The following DPP10 variants were observed in gnomAD, a reference collection of about 807,000 sequenced individuals.
DPP10 encodes inactive dipeptidyl peptidase 10.
A neutral mutation model predicts 120.9 loss-of-function variants in DPP10; 33 were observed. That is an observed-to-expected ratio of 0.27 (90% CI 0.21 to 0.37). DPP10 has a LOEUF of 0.37. DPP10 is among the 10% of genes least tolerant of loss of function. The pLI is 1.00. For missense variants in DPP10, 816 were observed against 942.8 expected (o/e 0.87, Z 1.76); for synonymous variants, 337 against 326.1 (o/e 1.03, Z -0.36).
intron 2 of DPP10, among the ~76,000 whole-genome samples, chr2:115,320,561 A>T (rs187555107): frequency 6.6e-6 from 1 of 152,002 alleles, no homozygotes; most frequent in Non-Finnish European, 1.5e-5. Context: ...ATTTAGTTTG[A>T]ACTAATTTTA....
intron 8 of DPP10, among the ~76,000 whole-genome samples, chr2:115,737,737 T>C (rs1676743476): frequency 6.6e-6 from 1 of 152,166 alleles, no homozygotes; most frequent in Non-Finnish European, 1.5e-5. Context: ...GCGGCTTGTG[T>C]TGTTTTCAAA....
At chr2:114,804,296 A>G (rs1684531155) in intron 1 of DPP10, among the ~76,000 whole-genome samples, 1 of 152,106 alleles carries the variant, frequency 6.6e-6, no homozygotes, top group Non-Finnish European at 1.5e-5. Context: ...CTTAAGGAGA[A>G]CCTCTGCTAG....
rs374769534 is a variant in DPP10 at position 115,237,927 on chromosome 2, C to T, written c.61-71312C>T. Among the ~76,000 whole-genome samples the T allele has an allele frequency of 2.3e-4, 35 of 152,312 alleles. No individual in the cohort carries two copies. In the East Asian group the frequency reaches 6.6e-3, roughly 29 times the overall value. On this transcript the variant is annotated intron_variant, in intron 1 of 25. Coordinates refer to ENST00000410059, the MANE Select transcript of DPP10 (RefSeq NM_020868.6). ...TGTCTCCATAACATCAAAGTGCAAG[C>T]TGAAGCAGCAAGTGCTGTTATAGAA...
At chr2:114,897,855 C>T (rs1371572433) in intron 1 of DPP10, among the ~76,000 whole-genome samples, 4 of 151,820 alleles carry the variant, frequency 2.6e-5, no homozygotes, top group African/African-American at 7.3e-5. Flanking sequence ...ACAACAGGTG[C>T]TGGAGAGGAT....
chr2:115,011,291 C>G (rs1003949959), intron 1 of DPP10, among the ~76,000 whole-genome samples: 2 of 152,148 alleles, frequency 1.3e-5, no homozygotes, highest in African/African-American at 4.8e-5. Flanking sequence ...TCAATTAGGA[C>G]AAGTGGATTA....
chr2:114,575,726 G>C (rs1689998629), intron 1 of DPP10, among the ~76,000 whole-genome samples: 5 of 151,982 alleles, frequency 3.3e-5, no homozygotes. Context: ...CACAAATTTG[G>C]GGTGGTAGTC....
At chr2:114,624,855 A>T (rs999545860) in intron 1 of DPP10, among the ~76,000 whole-genome samples, 1 of 151,946 alleles carries the variant, frequency 6.6e-6, no homozygotes, top group Non-Finnish European at 1.5e-5. Context: ...TTCAACAGCC[A>T]TCAACTCACA....
At chr2:115,819,026 C>T (rs1038541942) in intron 21 of DPP10, among the ~76,000 whole-genome samples, 3 of 152,254 alleles carry the variant, frequency 2.0e-5, no homozygotes, top group East Asian at 1.9e-4. Flanking sequence ...GTAGACCTTG[C>T]GATTCTTTTT....
intron 1 of DPP10, among the ~76,000 whole-genome samples, chr2:114,942,308 TATATATATATATAC>T (rs1426282953): frequency 3.2e-5 from 4 of 124,030 alleles, no homozygotes; most frequent in East Asian, 5.1e-4. Flanking sequence ...CATATATATA[TATATATATATATAC>T]ACACACATAT....
At chr2:115,431,063 A>T (rs758664811) in intron 3 of DPP10, among the ~76,000 whole-genome samples, 1 of 152,236 alleles carries the variant, frequency 6.6e-6, no homozygotes. Context: ...TAAAAATCAG[A>T]TGATATCAAC....
chr2:115,577,730 A>G (rs1335694742), intron 5 of DPP10, among the ~76,000 whole-genome samples: 1 of 152,090 alleles, frequency 6.6e-6, no homozygotes, highest in Non-Finnish European at 1.5e-5. Context: ...TCGGGCTTGT[A>G]GATGGCCATT....
chr2:115,404,128 G>T (rs1051813568), intron 3 of DPP10, among the ~76,000 whole-genome samples: 1 of 152,050 alleles, frequency 6.6e-6, no homozygotes, highest in Non-Finnish European at 1.5e-5. Context: ...ATGGGTTCAC[G>T]CTTCTACAGG....
At chr2:114,942,843 A>G (rs908835728) in intron 1 of DPP10, among the ~76,000 whole-genome samples, 7 of 152,206 alleles carry the variant, frequency 4.6e-5, no homozygotes, top group South Asian at 2.1e-4. Context: ...AATTAGGAAG[A>G]TAACTGAATT....
chr2:115,234,691 C>T (rs927534127), intron 1 of DPP10: 1 of 152,120 alleles, frequency 6.6e-6, no homozygotes, highest in Non-Finnish European at 1.5e-5. Flanking sequence ...TATTGTTTTT[C>T]CTGAACATAC....
intron 3 of DPP10, among the ~76,000 whole-genome samples, chr2:115,390,440 A>G (rs2067242999): frequency 6.6e-6 from 1 of 152,192 alleles, no homozygotes; most frequent in South Asian, 2.1e-4. Context: ...TCATGAGTCA[A>G]CAGGCTTTCT....
intron 1 of DPP10, chr2:115,161,470 C>G (rs951285495): frequency 1.3e-5 from 2 of 151,576 alleles, no homozygotes; most frequent in Admixed American, 1.3e-4. Flanking sequence ...TCGCGCCGCT[C>G]CGGGCTCTCC....
At chr2:115,018,333 T>C (rs1702819744) in intron 1 of DPP10, among the ~76,000 whole-genome samples, 1 of 152,130 alleles carries the variant, frequency 6.6e-6, no homozygotes, top group South Asian at 2.1e-4. Flanking sequence ...AGAAATACCA[T>C]TTGACCCAGC....
intron 1 of DPP10, among the ~76,000 whole-genome samples, chr2:114,902,810 C>A (rs1012728651): frequency 2.6e-5 from 4 of 151,998 alleles, no homozygotes; most frequent in African/African-American, 9.7e-5. Context: ...CCATTACTAC[C>A]CCAAATATAT....
intron 1 of DPP10, among the ~76,000 whole-genome samples, chr2:114,996,061 C>G (rs929085629): frequency 6.6e-6 from 1 of 152,176 alleles, no homozygotes; most frequent in Non-Finnish European, 1.5e-5. Flanking sequence ...TTCATTCAAG[C>G]TTTGAAAGAT....
Sources: allele counts gnomAD v4.1 joint callset (sites outside exome capture counted in the v4.1 genomes callset), GRCh38; gene constraint gnomAD v4.1.1; transcripts MANE v1.5; gene names NCBI Gene and HGNC (gene_info 2026-07-23, HGNC 2026-07-21).